Variants in SLC8A1 observed in about 807,000 individuals in gnomAD.
The protein encoded by SLC8A1 is solute carrier family 8 member A1.
SLC8A1 carries 18 observed loss-of-function variants against 68.3 expected under a neutral mutation model. That is an observed-to-expected ratio of 0.26 (90% CI 0.18 to 0.39). The LOEUF is 0.39. SLC8A1 is among the 10% of genes least tolerant of loss of function. SLC8A1 has a pLI of 1.00. For missense variants in SLC8A1, 985 were observed against 1,156.7 expected (o/e 0.85, Z 2.15); for synonymous variants, 475 against 415.5 (o/e 1.14, Z -1.74).
intron 2 of SLC8A1, among the ~76,000 whole-genome samples, chr2:40,178,857 A>G (rs2048942946): frequency 6.6e-6 from 1 of 152,226 alleles, no homozygotes. Context: ...TGTCTAAGCT[A>G]TGCCCTGGAA....
intron 2 of SLC8A1, among the ~76,000 whole-genome samples, chr2:40,279,412 T>A (rs189737385): frequency 3.9e-5 from 6 of 152,264 alleles, no homozygotes; most frequent in Admixed American, 2.0e-4. Context: ...CCAAAGTGGG[T>A]GCCAGAAACT....
chr2:40,106,482 A>G (rs1006675158), exon 8 of SLC8A1: 1 of 152,130 alleles, frequency 6.6e-6, no homozygotes, highest in Non-Finnish European at 1.5e-5. Flanking sequence ...AAAAAAAAAA[A>G]CAACTAAATC....
intron 2 of SLC8A1, among the ~76,000 whole-genome samples, chr2:40,214,645 C>T (rs1247124053): frequency 3.3e-5 from 5 of 151,462 alleles, no homozygotes; most frequent in African/African-American, 7.3e-5. Context: ...CACGGGGTTT[C>T]GCCAGGCTGG....
intron 2 of SLC8A1, among the ~76,000 whole-genome samples, chr2:40,207,556 A>T (rs1304189369): frequency 6.6e-6 from 1 of 152,104 alleles, no homozygotes; most frequent in Non-Finnish European, 1.5e-5. Flanking sequence ...TTTCAATATA[A>T]CTACTCGAAA....
At chr2:40,472,946 T>A (rs1423736587) in intron 1 of SLC8A1, among the ~76,000 whole-genome samples, 1 of 151,750 alleles carries the variant, frequency 6.6e-6, no homozygotes, top group Non-Finnish European at 1.5e-5. Flanking sequence ...TTAAGGTGAG[T>A]TACAATACAG....
intron 6 of SLC8A1, among the ~76,000 whole-genome samples, chr2:40,156,359 A>G (rs1558556540): frequency 1.6e-5 from 2 of 125,816 alleles, no homozygotes; most frequent in Non-Finnish European, 3.4e-5. Context: ...AAACTGCTGG[A>G]GTTTTTTTTT....
In SLC8A1 at chr2:40,407,871, G is replaced by A. The variant is rs545054960; in HGVS notation, c.1808+20602C>T. ...GGCCAACTCTCTTTACAAGGAGCCA[G>A]CCTCCTGTTCAGTCTCTTCTGAGGT... On this transcript the variant is annotated intron_variant, in intron 2 of 7. Transcript: ENST00000406785. Among the ~76,000 whole-genome samples, 148 of 152,318 alleles carry A rather than the reference G, an allele frequency of 9.7e-4. 4 individuals are homozygous for A. The South Asian group carries it at 0.03, about 31-fold the overall frequency.
chr2:40,404,483 C>T (rs1184290366), intron 2 of SLC8A1, among the ~76,000 whole-genome samples: 1 of 152,112 alleles, frequency 6.6e-6, no homozygotes, highest in African/African-American at 2.4e-5. Flanking sequence ...TTTTATGCAA[C>T]AGCTATCAAA....
Position 40,110,136 on chromosome 2 carries a change from G to A in SLC8A1, c.*5117C>T, listed in dbSNP as rs117984176. The A allele has an allele frequency of 7.9e-5, 12 of 152,218 alleles. No homozygotes were observed. The East Asian group carries it at 2.1e-3, about 27-fold the overall frequency. 9.4% of individuals were successfully genotyped at this position (152,218 alleles called of 1,614,324 possible). A position where few individuals can be genotyped will look rare whatever the true frequency, so the allele number is the denominator to read the frequency against. On this transcript the variant is annotated 3_prime_UTR_variant, in exon 8 of 8. Coordinates refer to ENST00000406785, the Ensembl canonical transcript of SLC8A1. Reference sequence around the variant, plus strand: ...AAATACGTACCATTTCTTGTGGGCTGGAAACCTGCAGTGCTTTCCTTTGGG... The same window carrying A: ...AAATACGTACCATTTCTTGTGGGCTAGAAACCTGCAGTGCTTTCCTTTGGG...
chr2:40,254,331 G>C (rs2063514545), intron 2 of SLC8A1: 1 of 149,022 alleles, frequency 6.7e-6, no homozygotes, highest in South Asian at 2.1e-4. Flanking sequence ...CTCAGTTTCA[G>C]AGCTGGCATA....
At chr2:40,457,345 A>T (rs1197696132) in intron 1 of SLC8A1, among the ~76,000 whole-genome samples, 1 of 152,188 alleles carries the variant, frequency 6.6e-6, no homozygotes, top group Non-Finnish European at 1.5e-5. Context: ...ATTACACTTC[A>T]GCCTTTTTCA....
chr2:40,395,950 A>G (rs1300452176), intron 2 of SLC8A1, among the ~76,000 whole-genome samples: 1 of 152,152 alleles, frequency 6.6e-6, no homozygotes, highest in East Asian at 1.9e-4. Context: ...ATAACTGTTC[A>G]TACTGTTCTG....
intron 2 of SLC8A1, among the ~76,000 whole-genome samples, chr2:40,340,658 A>G (rs948997942): frequency 5.3e-5 from 8 of 152,228 alleles, no homozygotes; most frequent in African/African-American, 1.4e-4. Context: ...TTTTTGATAC[A>G]GAACTCTCTT....
intron 2 of SLC8A1, among the ~76,000 whole-genome samples, chr2:40,206,817 A>G (rs891109558): frequency 1.3e-5 from 2 of 152,072 alleles, no homozygotes; most frequent in African/African-American, 4.8e-5. Flanking sequence ...TATAATTGCA[A>G]TATCTTCTTA....
At chr2:40,391,747 A>G (rs1685336024) in intron 2 of SLC8A1, among the ~76,000 whole-genome samples, 2 of 152,016 alleles carry the variant, frequency 1.3e-5, no homozygotes, top group African/African-American at 4.8e-5. Context: ...GGGCACTGAA[A>G]CCAAATACCT....
chr2:40,302,999 C>T (rs1210882348), intron 2 of SLC8A1, among the ~76,000 whole-genome samples: 2 of 152,162 alleles, frequency 1.3e-5, no homozygotes, highest in African/African-American at 2.4e-5. Flanking sequence ...GAGATCTAAA[C>T]ATTTAGAAGA....
At chr2:40,135,384 A>G (rs76411598) in intron 7 of SLC8A1, among the ~76,000 whole-genome samples, 19,696 of 152,022 alleles carry the variant, frequency 0.13, 1,449 homozygotes, top group African/African-American at 0.17. Flanking sequence ...GTGGAGAGAT[A>G]GCTAGATGGG....
intron 2 of SLC8A1, among the ~76,000 whole-genome samples, chr2:40,424,221 T>G (rs572829550): frequency 2.6e-5 from 4 of 151,826 alleles, no homozygotes; most frequent in Non-Finnish European, 5.9e-5. Flanking sequence ...ACAATTATCC[T>G]TCTGTTCTGA....
intron 2 of SLC8A1, among the ~76,000 whole-genome samples, chr2:40,411,026 T>A (rs1055756636): frequency 6.6e-6 from 1 of 152,026 alleles, no homozygotes; most frequent in Non-Finnish European, 1.5e-5. Flanking sequence ...AATAATTAAG[T>A]TTTTTTAGAT....
Sources: allele counts gnomAD v4.1 joint callset (sites outside exome capture counted in the v4.1 genomes callset), GRCh38; gene constraint gnomAD v4.1.1; transcripts MANE v1.5; gene names NCBI Gene and HGNC (gene_info 2026-07-23, HGNC 2026-07-21).